Variants in PTPRD observed in about 807,000 individuals in gnomAD.
PTPRD encodes the protein receptor-type tyrosine-protein phosphatase delta.
Under a neutral mutation model 214.5 loss-of-function variants are expected in PTPRD, and 34 were observed. The observed-to-expected ratio is 0.16, with a 90% CI of 0.12 to 0.21. The LOEUF (loss-of-function observed/expected upper bound fraction) is 0.21, where lower values mean the gene tolerates loss of function less well. Ranked by LOEUF, PTPRD falls within the 10% of genes least tolerant of loss-of-function variation. PTPRD has a pLI of 1.00. For missense variants in PTPRD, 2,545 were observed against 2,398.7 expected, an observed-to-expected ratio of 1.06 and a Z score of -1.27; for synonymous variants, 1,128 against 845.7, an observed-to-expected ratio of 1.33 and a Z score of -5.79.
chr9:8,526,026 T>C (rs775978070), intron 17 of PTPRD, among the ~76,000 whole-genome samples: 1 of 150,748 alleles, frequency 6.6e-6, no homozygotes, highest in Non-Finnish European at 1.5e-5. Context: ...TGTAGACGAG[T>C]GGGATCAGGT....
At chr9:9,890,747 C>A (rs7853562) in intron 5 of PTPRD, among the ~76,000 whole-genome samples, 1 of 151,820 alleles carries the variant, frequency 6.6e-6, no homozygotes, top group Admixed American at 6.6e-5. Flanking sequence ...CACCATCAAT[C>A]GGAAGGGGTG....
chr9:10,363,991 G>GTTTTTTTGGT (rs1485501417), intron 2 of PTPRD, among the ~76,000 whole-genome samples: 3 of 35,132 alleles, frequency 8.5e-5, no homozygotes, highest in African/African-American at 1.2e-4. Flanking sequence ...ACATTTTCGG[G>GTTTTTTTGGT]TTTTTTTTTT....
At chr9:9,887,688 C>T (rs2153752564) in intron 5 of PTPRD, among the ~76,000 whole-genome samples, 1 of 152,238 alleles carries the variant, frequency 6.6e-6, no homozygotes, top group South Asian at 2.1e-4. Flanking sequence ...AAAGACCTAA[C>T]TTGCACTTCC....
intron 2 of PTPRD, among the ~76,000 whole-genome samples, chr9:10,427,528 T>C (rs1440539922): frequency 6.6e-6 from 1 of 151,998 alleles, no homozygotes; most frequent in East Asian, 1.9e-4. Flanking sequence ...CTGACAGCAA[T>C]TCTACCCACC....
At chr9:8,437,355 T>C in intron 34 of PTPRD, 1 of 794,502 alleles carries the variant, frequency 1.3e-6, no homozygotes, top group African/African-American at 1.7e-5. Context: ...TGCAAGTTTT[T>C]ACAGAATTCA....
intron 31 of PTPRD, 134 bp from the exon 32 acceptor site, chr9:8,465,809 A>T: frequency 1.5e-6 from 1 of 682,272 alleles, no homozygotes; most frequent in Non-Finnish European, 2.4e-6. Flanking sequence ...ATAGCACATC[A>T]GCATCACTAA....
At chr9:10,202,885 AGCAGGCCC>A (rs1449616625) in intron 3 of PTPRD, among the ~76,000 whole-genome samples, 1 of 151,854 alleles carries the variant, frequency 6.6e-6, no homozygotes, top group African/African-American at 2.4e-5. Flanking sequence ...CTAACCAGGA[AGCAGGCCC>A]TTACCAGACA....
intron 11 of PTPRD, among the ~76,000 whole-genome samples, chr9:8,753,385 C>T (rs2093701791): frequency 6.6e-6 from 1 of 152,208 alleles, no homozygotes; most frequent in Non-Finnish European, 1.5e-5. Context: ...TTTCCTTAAG[C>T]AGGTTCTGCC....
At chr9:9,827,527 A>C (rs1328082796) in intron 5 of PTPRD, among the ~76,000 whole-genome samples, 9 of 152,184 alleles carry the variant, frequency 5.9e-5, no homozygotes, top group African/African-American at 1.2e-4. Flanking sequence ...TAAAGACTTA[A>C]ATGTTAGACC....
chr9:10,515,400 C>G (rs1176512108), intron 2 of PTPRD, among the ~76,000 whole-genome samples: 1 of 143,848 alleles, frequency 7.0e-6, no homozygotes, highest in Non-Finnish European at 1.6e-5. Context: ...CTTTTATTAC[C>G]ATAAAAGGGC....
chr9:9,258,458 G>T (rs780485686), intron 9 of PTPRD, among the ~76,000 whole-genome samples: 3 of 151,832 alleles, frequency 2.0e-5, no homozygotes, highest in Non-Finnish European at 4.4e-5. Flanking sequence ...CAGCCATTGA[G>T]GATGCGAGTT....
chr9:9,624,273 T>G (rs1304760718), intron 7 of PTPRD, among the ~76,000 whole-genome samples: 9 of 69,520 alleles, frequency 1.3e-4, no homozygotes, highest in African/African-American at 4.2e-4. Flanking sequence ...GTAGCTAGTT[T>G]TTTTTTTGTT....
intron 3 of PTPRD, among the ~76,000 whole-genome samples, chr9:10,259,368 T>C (rs959968181): frequency 3.3e-5 from 5 of 152,186 alleles, no homozygotes; most frequent in African/African-American, 1.2e-4. Flanking sequence ...TTTTTCTTCC[T>C]CACCAATATG....
At chr9:9,386,827 G>T (rs1214840538) in intron 9 of PTPRD, among the ~76,000 whole-genome samples, 1 of 152,046 alleles carries the variant, frequency 6.6e-6, no homozygotes, top group Non-Finnish European at 1.5e-5. Context: ...ACATTTGGAT[G>T]TACTCTGGTA....
chr9:8,331,923 C>T (rs939332700), intron 43 of PTPRD, among the ~76,000 whole-genome samples, 187 bp from the exon 44 acceptor site: 1 of 149,142 alleles, frequency 6.7e-6, no homozygotes, highest in Non-Finnish European at 1.5e-5. Flanking sequence ...ACTCACATAC[C>T]TTTAAATCCT....
intron 7 of PTPRD, among the ~76,000 whole-genome samples, chr9:9,691,044 T>G (rs2097261472): frequency 6.6e-6 from 1 of 151,938 alleles, no homozygotes; most frequent in African/African-American, 2.4e-5. Context: ...GTGTATATAC[T>G]TATGGTGTAC....
chr9:9,863,746 C>G lies in PTPRD; in HGVS notation c.-368+74761G>C, dbSNP rs1031093115. ...ACATAAGACAGAATTGTCCTAGCTA[C>G]TATAAACAAACTTCAGAAAGACACT... On this transcript the variant is annotated intron_variant, in intron 5 of 45. Coordinates refer to ENST00000381196, the MANE Select transcript of PTPRD (RefSeq NM_002839.4). Among the ~76,000 whole-genome samples, 3 of 151,590 alleles carry G rather than the reference C, an allele frequency of 2.0e-5. No individual in the cohort carries two copies. In the East Asian group the frequency reaches 5.8e-4, roughly 29 times the overall value.
chr9:9,252,328 G>C (rs889526111), intron 9 of PTPRD, among the ~76,000 whole-genome samples: 1 of 151,952 alleles, frequency 6.6e-6, no homozygotes, highest in African/African-American at 2.4e-5. Context: ...TTAATTAAGA[G>C]ATTTTATTAT....
chr9:10,402,753 C>G (rs982899743), intron 2 of PTPRD, among the ~76,000 whole-genome samples: 1 of 151,548 alleles, frequency 6.6e-6, no homozygotes, highest in African/African-American at 2.4e-5. Context: ...CTATGTTAAA[C>G]TCATCTCATT....
Sources: allele counts gnomAD v4.1 joint callset (sites outside exome capture counted in the v4.1 genomes callset), GRCh38; gene constraint gnomAD v4.1.1; transcripts MANE v1.5; gene names NCBI Gene and HGNC (gene_info 2026-07-23, HGNC 2026-07-21).